MGAT4C: variants seen among roughly 807,000 people sequenced by gnomAD.
MGAT4C encodes MGAT4 family member C, also known as alpha-1,3-mannosyl-glycoprotein 4-beta-N-acetylglucosaminyltransferase C.
A neutral mutation model predicts 40.1 loss-of-function variants in MGAT4C; 19 were observed. The ratio of observed to expected loss-of-function variants is 0.47; its 90% CI spans 0.33 to 0.70. The LOEUF (loss-of-function observed/expected upper bound fraction) is 0.70. MGAT4C is among the 30% of genes least tolerant of loss of function. MGAT4C has a pLI of 0.02. For missense variants in MGAT4C, 491 were observed against 563.2 expected, an observed-to-expected ratio of 0.87 and a Z score of 1.30; for synonymous variants, 181 against 187.1, an observed-to-expected ratio of 0.97 and a Z score of 0.27.
chr12:86,523,736 C>G (rs762464114), intron 2 of MGAT4C, among the ~76,000 whole-genome samples: 25 of 152,134 alleles, frequency 1.6e-4, no homozygotes, highest in Non-Finnish European at 2.9e-4. Context: ...CTTTGAAGGT[C>G]TCTAAGAGCT....
chr12:86,826,317 T>G (rs953024575), intron 1 of MGAT4C, among the ~76,000 whole-genome samples: 4 of 151,436 alleles, frequency 2.6e-5, no homozygotes, highest in Non-Finnish European at 4.4e-5. Flanking sequence ...GTTTATGTCA[T>G]GAGGTCACAT....
intron 2 of MGAT4C, among the ~76,000 whole-genome samples, chr12:86,673,964 T>C (rs1342543684): frequency 6.6e-6 from 1 of 152,026 alleles, no homozygotes; most frequent in African/African-American, 2.4e-5. Flanking sequence ...TTATAAATGA[T>C]AAATGATGGC....
intron 4 of MGAT4C, among the ~76,000 whole-genome samples, chr12:86,319,571 G>T (rs924068670): frequency 1.3e-5 from 2 of 152,124 alleles, no homozygotes; most frequent in African/African-American, 4.8e-5. Context: ...TTTCTGTCAA[G>T]AATGGTAATA....
intron 1 of MGAT4C, among the ~76,000 whole-genome samples, chr12:86,114,446 G>C (rs1251657645): frequency 6.6e-6 from 1 of 151,716 alleles, no homozygotes; most frequent in Admixed American, 6.6e-5. Flanking sequence ...TTAAAAATAA[G>C]TAAAATAAAA....
chr12:86,195,823 T>C (rs1375781504), intron 1 of MGAT4C, among the ~76,000 whole-genome samples: 1 of 152,178 alleles, frequency 6.6e-6, no homozygotes, highest in Non-Finnish European at 1.5e-5. Flanking sequence ...CAATTATATA[T>C]AGTAGAAAAA....
chr12:86,371,197 T>C (rs1045274978), intron 3 of MGAT4C, among the ~76,000 whole-genome samples: 5 of 151,982 alleles, frequency 3.3e-5, no homozygotes, highest in African/African-American at 1.2e-4. Context: ...GCATCCTATA[T>C]CTTATTAGTC....
In MGAT4C at chr12:86,066,934, G is replaced by T. The variant is rs11117179; in HGVS notation, c.-56-17211C>A. Among the ~76,000 whole-genome samples the T allele has an allele frequency of 8.4e-3, 1,283 of 152,242 alleles. 23 individuals carry two copies. The highest frequency in any genetic ancestry group is 0.029 in the African/African-American group (1,209 of 41,524). Reference sequence around the variant, plus strand: ...ACACCTCTCAAAAGAAGACATTTATGCAGCCTAAAAATAAAGGAAAAAAAG... The same window carrying T: ...ACACCTCTCAAAAGAAGACATTTATTCAGCCTAAAAATAAAGGAAAAAAAG... On this transcript the variant is annotated intron_variant, in intron 1 of 4. Coordinates refer to ENST00000611864, the MANE Select transcript of MGAT4C (RefSeq NM_001351288.2).
intron 1 of MGAT4C, among the ~76,000 whole-genome samples, chr12:86,751,053 G>C (rs1295565911): frequency 1.3e-5 from 2 of 151,980 alleles, no homozygotes; most frequent in African/African-American, 4.8e-5. Context: ...TGAGAACACA[G>C]TAAGGAGATC....
chr12:86,309,162 C>T (rs1219748781), intron 4 of MGAT4C, among the ~76,000 whole-genome samples: 1 of 150,272 alleles, frequency 6.7e-6, no homozygotes, highest in East Asian at 1.9e-4. Context: ...TGATTCAGAA[C>T]AAAATCAAAT....
chr12:86,529,157 C>T (rs985583708), intron 2 of MGAT4C, among the ~76,000 whole-genome samples: 1 of 152,092 alleles, frequency 6.6e-6, no homozygotes, highest in Non-Finnish European at 1.5e-5. Context: ...AGTGCATTAA[C>T]TATACCAAAC....
chr12:86,143,876 G>A (rs1440036158), intron 1 of MGAT4C, among the ~76,000 whole-genome samples: 1 of 152,182 alleles, frequency 6.6e-6, no homozygotes, highest in Non-Finnish European at 1.5e-5. Context: ...CATGTTGAGG[G>A]TAGAGAAATA....
chr12:86,528,525 G>T (rs1333960748), intron 2 of MGAT4C, among the ~76,000 whole-genome samples: 3 of 151,850 alleles, frequency 2.0e-5, no homozygotes. Context: ...CTTTAGTATA[G>T]AAAGTTAGAA....
At chr12:86,739,857 A>AACAC (rs751754678) in intron 1 of MGAT4C, among the ~76,000 whole-genome samples, 27 of 149,158 alleles carry the variant, frequency 1.8e-4, no homozygotes, top group Non-Finnish European at 3.3e-4. Context: ...TATGCACACA[A>AACAC]ACACACACAC....
chr12:86,514,493 C>T (rs1958649795), intron 2 of MGAT4C, among the ~76,000 whole-genome samples: 1 of 152,142 alleles, frequency 6.6e-6, no homozygotes, highest in South Asian at 2.1e-4. Flanking sequence ...TGCATGTTTT[C>T]CCTTTTCAGT....
chr12:86,687,145 T>C (rs1950087507), intron 2 of MGAT4C, among the ~76,000 whole-genome samples: 1 of 152,202 alleles, frequency 6.6e-6, no homozygotes, highest in Non-Finnish European at 1.5e-5. Context: ...GTGTTTACAG[T>C]ATTCTTTGAT....
chr12:86,576,641 A>G (rs986430909), intron 2 of MGAT4C, among the ~76,000 whole-genome samples: 1 of 151,472 alleles, frequency 6.6e-6, no homozygotes, highest in Non-Finnish European at 1.5e-5. Context: ...AGGTATCTGG[A>G]TTTGTGTTTG....
chr12:86,310,396 T>C (rs1954042228), intron 4 of MGAT4C, among the ~76,000 whole-genome samples: 1 of 152,192 alleles, frequency 6.6e-6, no homozygotes, highest in East Asian at 1.9e-4. Context: ...CAAACCAGCA[T>C]TCATACTGGC....
intron 2 of MGAT4C, among the ~76,000 whole-genome samples, chr12:86,447,813 G>C (rs926611716): frequency 2.6e-5 from 4 of 152,074 alleles, no homozygotes; most frequent in Admixed American, 1.3e-4. Flanking sequence ...TGCCTACTTA[G>C]GTGTTTTGTA....
At chr12:86,494,737 C>T (rs1958207808) in intron 2 of MGAT4C, among the ~76,000 whole-genome samples, 1 of 151,610 alleles carries the variant, frequency 6.6e-6, no homozygotes, top group African/African-American at 2.4e-5. Context: ...AGCATTCTGA[C>T]ATTTGACTTA....
Sources: gnomAD v4.1 joint callset for allele counts (sites outside exome capture counted in the v4.1 genomes callset) on GRCh38, gnomAD v4.1.1 for gene constraint, MANE v1.5 for transcripts, NCBI Gene and HGNC (gene_info 2026-07-23, HGNC 2026-07-21) for gene names.